The following ATAD3B variants were observed in gnomAD, a reference collection of about 807,000 sequenced individuals.
ATAD3B encodes ATPase family AAA domain containing 3B, also known as ATPase family AAA domain-containing protein 3B.
ATAD3B carries 59 observed loss-of-function variants against 70.2 expected under a neutral mutation model. That is an observed-to-expected ratio of 0.84 (90% CI 0.68 to 1.04). ATAD3B has a LOEUF of 1.04. Among genes scored for constraint, ATAD3B ranks in the 50% least tolerant of loss-of-function variants. The pLI is 0.00. For synonymous variants in ATAD3B, 423 were observed against 388.6 expected (o/e 1.09, Z -1.04); for missense variants, 961 against 913.4 (o/e 1.05, Z -0.67).
rs562158564 is a variant in ATAD3B at position 1,476,429 on chromosome 1, C to T, written c.206-845C>T. 4.6e-4 allele frequency among the ~76,000 whole-genome samples: 70 copies of T among 151,630 alleles called. 1 individual carries two copies. The Middle Eastern group carries it at 0.014, about 29-fold the overall frequency. On this transcript the variant is annotated intron_variant, in intron 1 of 15. Coordinates refer to ENST00000673477, the MANE Select transcript of ATAD3B (RefSeq NM_031921.6). Reference sequence around the variant, plus strand: ...AGGCTTAAAAAAGTGAGACGGGCTGCGGGAGGAAGAGAGACGGGAACAACG... The same window carrying T: ...AGGCTTAAAAAAGTGAGACGGGCTGTGGGAGGAAGAGAGACGGGAACAACG...
the ATAD3B span, chr1:1,503,607 T>G: frequency 6.2e-7 from 1 of 1,612,390 alleles, no homozygotes; most frequent in Non-Finnish European, 8.5e-7. Context: ...ACGCCCTGAA[T>G]GTGGCACAGA....
At chr1:1,479,767 A>G (rs148582060) in intron 4 of ATAD3B, among the ~76,000 whole-genome samples, 4,202 of 142,092 alleles carry the variant, frequency 0.03, 557 homozygotes, top group African/African-American at 0.11. Flanking sequence ...CTCTGCACAC[A>G]TGGGGGCTTA....
At chr1:1,474,167 G>A (rs1349957972) in intron 1 of ATAD3B, among the ~76,000 whole-genome samples, 2 of 151,410 alleles carry the variant, frequency 1.3e-5, no homozygotes, top group South Asian at 4.2e-4. Flanking sequence ...CTGCAGGCTT[G>A]CTCGGTAATT....
the ATAD3B span, among the ~76,000 whole-genome samples, chr1:1,508,257 T>C: frequency 2.0e-5 from 3 of 151,200 alleles, no homozygotes; most frequent in African/African-American, 7.4e-5. Context: ...GTGGTCCAGC[T>C]CCGGTCAGTG....
At chr1:1,502,451 A>C (rs1446752717), downstream of ATAD3B, among the ~76,000 whole-genome samples, 9 of 124,012 alleles carry the variant, frequency 7.3e-5, no homozygotes, top group Admixed American at 8.6e-5. Flanking sequence ...CTCGTGATCC[A>C]CCCGTCTCGG....
At position 1,480,946 on chromosome 1, in the gene ATAD3B, C is replaced by G; in HGVS notation, c.514+10C>G. 6.3e-7 allele frequency: 1 copy of G among 1,590,556 alleles called. No individual in the cohort carries two copies. ...GAAGCCATGCGGCGAGGTAGGCTGT[C>G]TGCTCTCCTGGCTGGGGCGGAGGTG... On this transcript the variant is annotated intron_variant, in intron 5 of 15. Transcript: ENST00000673477.
chr1:1,492,514 G>T (rs2100597365), intron 15 of ATAD3B, among the ~76,000 whole-genome samples: 3 of 151,756 alleles, frequency 2.0e-5, no homozygotes, highest in Middle Eastern at 6.8e-3. Context: ...TAATAATTTG[G>T]GCTGGGCACA....
intron 15 of ATAD3B, among the ~76,000 whole-genome samples, chr1:1,492,755 TG>T (rs1640599076): frequency 6.6e-6 from 1 of 151,688 alleles, no homozygotes; most frequent in African/African-American, 2.4e-5. Flanking sequence ...CTGGACAACA[TG>T]GTGAAACCCC....
chr1:1,480,016 A>C (rs551505079), intron 4 of ATAD3B, among the ~76,000 whole-genome samples: 1 of 140,428 alleles, frequency 7.1e-6, no homozygotes. Flanking sequence ...ACACATAGGC[A>C]CACATACACA....
the ATAD3B span, among the ~76,000 whole-genome samples, chr1:1,507,638 T>C: frequency 6.6e-6 from 1 of 152,218 alleles, no homozygotes; most frequent in African/African-American, 2.4e-5. Flanking sequence ...ATCAAGGATA[T>C]TGGCCTGTCA....
At position 1,488,006 on chromosome 1, in the gene ATAD3B, T is replaced by G. The variant is rs866753232; in HGVS notation, c.1266+92T>G. ...GCCAGGCTGCAGCCCTTAAGCTGGC[T>G]TGCAGTGGCGCAATCTTGGCTCGCT... On this transcript the variant is annotated intron_variant, in intron 12 of 15. Transcript: ENST00000673477. The G allele has an allele frequency of 6.8e-5, 106 of 1,548,682 alleles. 1 individual carries two copies. In the Middle Eastern group the frequency reaches 5.0e-3, roughly 74 times the overall value.
intron 1 of ATAD3B, among the ~76,000 whole-genome samples, chr1:1,475,928 A>G (rs989724920): frequency 6.7e-6 from 1 of 150,060 alleles, no homozygotes; most frequent in African/African-American, 2.5e-5. Context: ...TCCCCTCGGG[A>G]GGAAACAGGC....
At chr1:1,480,834 A>G in intron 4 of ATAD3B, 33 bp from the exon 5 acceptor site, 1 of 1,593,960 alleles carries the variant, frequency 6.3e-7, no homozygotes, top group Non-Finnish European at 8.5e-7. Flanking sequence ...CTGGTTTTAA[A>G]GGCTTTTCTC....
intron 10 of ATAD3B, 123 bp downstream of exon 10, chr1:1,486,358 A>G: frequency 1.9e-6 from 3 of 1,587,320 alleles, no homozygotes; most frequent in Non-Finnish European, 2.6e-6. Flanking sequence ...ACCCTCGTGT[A>G]GGCTCAGGGT....
chr1:1,486,893 G>A (rs955511506), intron 11 of ATAD3B, among the ~76,000 whole-genome samples: 1 of 150,676 alleles, frequency 6.6e-6, no homozygotes. Context: ...TGGGATACTT[G>A]GCTCAGGGCA....
chr1:1,485,825 G>T lies in ATAD3B; in HGVS notation c.950G>T (p.Gly317Val). ...LLSRPQDVLE[G>V]VVLSPSLEAR... ...AGTCGACCCCAGGACGTGCTGGAGG[G>T]TGTTGTGCTTAGTGTAAGTCGGTGT... Residue 317 changes from glycine to valine, a missense_variant, in exon 9 of 16, where the codon GGT (glycine) becomes GTT (valine). This residue lies in a region of ATAD3B where 349 missense variants were observed against 307.5 expected (regional missense o/e 1.14). Coordinates refer to ENST00000673477, the MANE Select transcript of ATAD3B (RefSeq NM_031921.6). The T allele has an allele frequency of 1.2e-6, 2 of 1,613,144 alleles. No homozygotes were observed. Among genetic ancestry groups the T allele is most frequent in the Admixed American group, 3.3e-5 (2 of 59,942 alleles).
intron 15 of ATAD3B, among the ~76,000 whole-genome samples, chr1:1,494,733 C>T (rs932204295): frequency 4.1e-5 from 6 of 147,594 alleles, no homozygotes; most frequent in East Asian, 1.9e-4. Flanking sequence ...TGGGACGGGG[C>T]GAGGGACCCA....
At position 1,479,912 on chromosome 1, in the gene ATAD3B, G is replaced by A. The variant is rs1205032307; in HGVS notation, c.444+804G>A. 4.6e-5 allele frequency among the ~76,000 whole-genome samples: 6 copies of A among 131,528 alleles called. 1 individual carries two copies. The highest frequency in any genetic ancestry group is 8.0e-5 in the Non-Finnish European group (5 of 62,184). 86.3% of individuals were successfully genotyped at this position (131,528 alleles called of 152,430 possible). The stretch of plus-strand genomic sequence containing the variant: ...CATGCACACGCCCACACACACGGGC[G>A]CGCACACACCCGGACATGCACAAAC... On this transcript the variant is annotated intron_variant, in intron 4 of 15. Coordinates refer to ENST00000673477, the MANE Select transcript of ATAD3B (RefSeq NM_031921.6).
intron 15 of ATAD3B, 129 bp downstream of exon 15, chr1:1,490,800 C>A (rs527898756): frequency 2.0e-6 from 3 of 1,477,686 alleles, no homozygotes; most frequent in Non-Finnish European, 2.7e-6. Flanking sequence ...AGTGCACAGA[C>A]GTGACACAGG....
Sources: gnomAD v4.1 joint callset for allele counts (sites outside exome capture counted in the v4.1 genomes callset) on GRCh38, gnomAD v4.1.1 for gene constraint, gnomAD v4.1.1 regional missense constraint, MANE v1.5 for transcripts, NCBI Gene and HGNC (gene_info 2026-07-23, HGNC 2026-07-21) for gene names.